The following TMEM106B variants were observed in gnomAD, a reference collection of about 807,000 sequenced individuals.
TMEM106B encodes transmembrane protein 106B.
In TMEM106B, 15 loss-of-function variants were observed where a neutral mutation model predicts 31.1. The observed-to-expected ratio is 0.48, with a 90% CI of 0.32 to 0.74. The LOEUF (loss-of-function observed/expected upper bound fraction) is 0.74, where lower values mean the gene tolerates loss of function less well. Ranked by LOEUF, TMEM106B falls within the 30% of genes least tolerant of loss-of-function variation. The pLI, the probability that TMEM106B is intolerant of heterozygous loss-of-function variation, is 0.03. For synonymous variants in TMEM106B, 126 were observed against 112.5 expected, an observed-to-expected ratio of 1.12 and a Z score of -0.76; for missense variants, 283 against 327.3, an observed-to-expected ratio of 0.86 and a Z score of 1.04.
intron 1 of TMEM106B, 77 bp downstream of exon 1, chr7:12,211,502 G>C (rs1399662331): frequency 6.6e-6 from 1 of 152,584 alleles, no homozygotes; most frequent in African/African-American, 2.4e-5. Flanking sequence ...GCTTGAGCCG[G>C]GCCTGACAAG....
chr7:12,216,696 G>A (rs953983070), intron 2 of TMEM106B, among the ~76,000 whole-genome samples: 3 of 152,120 alleles, frequency 2.0e-5, no homozygotes, highest in African/African-American at 7.2e-5. Context: ...AGAAAGAAAA[G>A]TTAGAATGAG....
chr7:12,215,598 A>AAT, intron 2 of TMEM106B: 1 of 344,098 alleles, frequency 2.9e-6, no homozygotes, highest in Non-Finnish European at 6.1e-6. Context: ...TTTTTTTAAT[A>AAT]ATAAGGATGG....
rs1457975887 is a variant in TMEM106B at position 12,236,212 on chromosome 7, A to G, written c.*4237A>G. 1.3e-5 allele frequency: 2 copies of G among 151,932 alleles called. No homozygotes were observed. The highest frequency in any genetic ancestry group is 4.8e-5 in the African/African-American group (2 of 41,430). 9.4% of individuals were successfully genotyped at this position (151,932 alleles called of 1,614,324 possible). On this transcript the variant is annotated 3_prime_UTR_variant, in exon 8 of 8. Transcript: ENST00000396668. ...CTAACATTTGTGTATTTTTGTGCTT[A>G]GTCGGAATACAAATTTCACAGTGGA...
At chr7:12,215,075 C>T in intron 2 of TMEM106B, 48 bp downstream of exon 2, 1 of 1,526,524 alleles carries the variant, frequency 6.6e-7, no homozygotes, top group Non-Finnish European at 8.9e-7. Flanking sequence ...TAGGTATTTG[C>T]TCAAGTATTA....
intron 1 of TMEM106B, 85 bp from the exon 2 acceptor site, chr7:12,214,723 TA>T: frequency 8.8e-7 from 1 of 1,130,428 alleles, no homozygotes; most frequent in Non-Finnish European, 1.2e-6. Flanking sequence ...TTGACTGTTC[TA>T]AATTAATTAG....
Position 12,235,161 on chromosome 7 carries a change from G to GCTTATAAAAA in TMEM106B, c.*3186_*3187insCTTATAAAAA, listed in dbSNP as rs1782106542. On this transcript the variant is annotated 3_prime_UTR_variant, in exon 8 of 8. Coordinates refer to ENST00000396668, the MANE Select transcript of TMEM106B (RefSeq NM_001134232.2). ...AGAATGAACACTTATAAAATGCTTT[G>GCTTATAAAAA]GAACATAATCTTTAGCTTAATTTTC... The GCTTATAAAAA allele has an allele frequency of 2.0e-5, 3 of 152,068 alleles. No homozygotes were observed. The highest frequency in any genetic ancestry group is 7.3e-5 in the African/African-American group (3 of 41,364). The allele number at this position is 152,068 out of a possible 1,614,324, so 9.4% of individuals were successfully genotyped here.
chr7:12,212,257 G>A (rs1195006308), intron 1 of TMEM106B, among the ~76,000 whole-genome samples: 3 of 152,158 alleles, frequency 2.0e-5, no homozygotes, highest in Non-Finnish European at 4.4e-5. Context: ...CTTACAGCCT[G>A]GCTGTGTTGA....
chr7:12,231,219 G>A, intron 7 of TMEM106B, 104 bp downstream of exon 7: 1 of 843,418 alleles, frequency 1.2e-6, no homozygotes, highest in Non-Finnish European at 1.9e-6. Context: ...CACCTCAGTT[G>A]GGTTTTAAGC....
chr7:12,235,361 T>C lies in TMEM106B; in HGVS notation c.*3386T>C, dbSNP rs559189547. The C allele has an allele frequency of 1.5e-3, 232 of 152,458 alleles. 3 individuals carry two copies. Among genetic ancestry groups the C allele is most frequent in the Non-Finnish European group, 2.5e-4 (17 of 67,812 alleles). 9.4% of individuals were successfully genotyped at this position (152,458 alleles called of 1,614,324 possible). A position where few individuals can be genotyped will look rare whatever the true frequency, so the allele number is the denominator to read the frequency against. Reference sequence around the variant, plus strand: ...AATTACTGAATAACCATCTTAAGTATGGAACATTTAAATGGCTATATTTTA... The same window carrying C: ...AATTACTGAATAACCATCTTAAGTACGGAACATTTAAATGGCTATATTTTA... On this transcript the variant is annotated 3_prime_UTR_variant, in exon 8 of 8. Transcript: ENST00000396668.
rs915478470 is a variant in TMEM106B at position 12,241,754 on chromosome 7, T to C, written c.*9779T>C. 20 of 152,226 alleles carry C rather than the reference T, an allele frequency of 1.3e-4. 1 individual carries two copies. 9.4% of individuals were successfully genotyped at this position (152,226 alleles called of 1,614,324 possible). A position where few individuals can be genotyped will look rare whatever the true frequency, so the allele number is the denominator to read the frequency against. On this transcript the variant is annotated 3_prime_UTR_variant, in exon 8 of 8. Coordinates refer to ENST00000396668, the MANE Select transcript of TMEM106B (RefSeq NM_001134232.2). The stretch of plus-strand genomic sequence containing the variant: ...TACAGTAAAATGATTTATAATCTTT[T>C]GGGTATACACCCAGTAATGGGATTG...
In TMEM106B at chr7:12,236,946, C is replaced by G. The variant is rs1782149550; in HGVS notation, c.*4971C>G. ...TCAGATATTTGAATGATGGTATTAC[C>G]TAGATTCTAATCCTTGATTCTAGTT... On this transcript the variant is annotated 3_prime_UTR_variant, in exon 8 of 8. Transcript: ENST00000396668. 6.6e-6 allele frequency: 1 copy of G among 151,836 alleles called. No individual in the cohort carries two copies. The highest frequency in any genetic ancestry group is 2.4e-5 in the African/African-American group (1 of 41,366). 9.4% of individuals were successfully genotyped at this position (151,836 alleles called of 1,614,324 possible).
Position 12,239,901 on chromosome 7 carries a change from C to T in TMEM106B, c.*7926C>T, listed in dbSNP as rs551132874. 1 of 152,076 alleles carries T rather than the reference C, an allele frequency of 6.6e-6. No individual in the cohort carries two copies. The highest frequency in any genetic ancestry group is 1.9e-4 in the East Asian group (1 of 5,166). 9.4% of individuals were successfully genotyped at this position (152,076 alleles called of 1,614,324 possible). ...AAAAATTACCAAAATGCGACAGAGA[C>T]ATGAAATGAGAACATGCTGTTGAAA... On this transcript the variant is annotated 3_prime_UTR_variant, in exon 8 of 8. Coordinates refer to ENST00000396668, the MANE Select transcript of TMEM106B (RefSeq NM_001134232.2).
chr7:12,232,039 A>G lies in TMEM106B; in HGVS notation c.*64A>G. ...GATATTTCCTATACTCTCAATGAAG[A>G]GGTATTTCCTAATAGGAGACCTTAA... On this transcript the variant is annotated 3_prime_UTR_variant, in exon 8 of 8. Coordinates refer to ENST00000396668, the MANE Select transcript of TMEM106B (RefSeq NM_001134232.2). The G allele has an allele frequency of 6.7e-7, 1 of 1,500,740 alleles. No individual in the cohort carries two copies. 93.0% of individuals were successfully genotyped at this position (1,500,740 alleles called of 1,614,324 possible). A position where few individuals can be genotyped will look rare whatever the true frequency, so the allele number is the denominator to read the frequency against.
In TMEM106B at chr7:12,240,462, A is replaced by T. The variant is rs944121919; in HGVS notation, c.*8487A>T. ...CTTTTGTTTTCATCAACTTTTTTCA[A>T]ACAATTTTTGTCAGCTTAGAGGTTG... is the stretch of plus-strand genomic sequence containing the variant. On this transcript the variant is annotated 3_prime_UTR_variant, in exon 8 of 8. Transcript: ENST00000396668. 1 of 152,140 alleles carries T rather than the reference A, an allele frequency of 6.6e-6. No homozygotes were observed. Among genetic ancestry groups the T allele is most frequent in the Non-Finnish European group, 1.5e-5 (1 of 68,036 alleles). 9.4% of individuals were successfully genotyped at this position (152,140 alleles called of 1,614,324 possible).
Position 12,221,189 on chromosome 7 carries a change from A to G in TMEM106B, c.281+2668A>G, listed in dbSNP as rs1249337719. Among the ~76,000 whole-genome samples the G allele has an allele frequency of 3.3e-5, 5 of 152,246 alleles. No homozygotes were observed. The East Asian group carries it at 9.7e-4, about 29-fold the overall frequency. ...ACTGCCAAAAATTGAGACAAAAGGA[A>G]ACATTATTCTAACTGTATATGAAGT... On this transcript the variant is annotated intron_variant, in intron 3 of 7. Coordinates refer to ENST00000396668, the MANE Select transcript of TMEM106B (RefSeq NM_001134232.2).
chr7:12,234,294 C>CT lies in TMEM106B; in HGVS notation c.*2325dup, dbSNP rs1390026996. 6.6e-6 allele frequency: 1 copy of CT among 151,756 alleles called. No homozygotes were observed. Among genetic ancestry groups the CT allele is most frequent in the African/African-American group, 2.4e-5 (1 of 41,402 alleles). The allele number at this position is 151,756 out of a possible 1,614,324, so 9.4% of individuals were successfully genotyped here. A position where few individuals can be genotyped will look rare whatever the true frequency, so the allele number is the denominator to read the frequency against. On this transcript the variant is annotated 3_prime_UTR_variant, in exon 8 of 8. Coordinates refer to ENST00000396668, the MANE Select transcript of TMEM106B (RefSeq NM_001134232.2). ...TGCTTTTAGTCACTTAATTTTGAAT[C>CT]TTTTTTCTTCATCTTTTGAATTAAT...
rs540351329 is a variant in TMEM106B at position 12,237,397 on chromosome 7, T to G, written c.*5422T>G. The G allele has an allele frequency of 6.6e-6, 1 of 152,262 alleles. No individual in the cohort carries two copies. Among genetic ancestry groups the G allele is most frequent in the Admixed American group, 6.5e-5 (1 of 15,276 alleles). 9.4% of individuals were successfully genotyped at this position (152,262 alleles called of 1,614,324 possible). A position where few individuals can be genotyped will look rare whatever the true frequency, so the allele number is the denominator to read the frequency against. ...CTTTAGCATTATCTTTGATTTCTTT[T>G]TTTCATTCACTTAACTTCCAATCAG... On this transcript the variant is annotated 3_prime_UTR_variant, in exon 8 of 8. Coordinates refer to ENST00000396668, the MANE Select transcript of TMEM106B (RefSeq NM_001134232.2).
Position 12,231,868 on chromosome 7 carries a change from T to G in TMEM106B, c.718T>G (p.Ser240Ala). 1 of 1,608,840 alleles carries G rather than the reference T, an allele frequency of 6.2e-7. No homozygotes were observed. The highest frequency in any genetic ancestry group is 8.5e-7 in the Non-Finnish European group (1 of 1,176,344). Residue 240 changes from serine to alanine, a missense_variant, in exon 8 of 8, where the codon TCT (serine) becomes GCT (alanine). This residue lies in a region of TMEM106B where 201 missense variants were observed against 211.5 expected (regional missense o/e 0.95). Coordinates refer to ENST00000396668, the MANE Select transcript of TMEM106B (RefSeq NM_001134232.2). ...VTVTTTYFGH[S>A]EQISQERYQY... ...TGTGACAACAACATACTTTGGCCAC[T>G]CTGAACAGATATCCCAGGAGAGGTA...
At position 12,230,408 on chromosome 7, in the gene TMEM106B, C is replaced by A; in HGVS notation, c.602C>A (p.Thr201Asn). 1 of 1,602,984 alleles carries A rather than the reference C, an allele frequency of 6.2e-7. No homozygotes were observed. Among genetic ancestry groups the A allele is most frequent in the East Asian group, 2.2e-5 (1 of 44,690 alleles). ...TTTCAGATTGATTACACAGTACCTA[C>A]CGTTATAGCAGAGGAAATGAGTTAT... is the stretch of plus-strand genomic sequence containing the variant. ...DMKQIDYTVPTVIAEEMSYMY... is the reference protein window; with the variant it reads ...DMKQIDYTVPNVIAEEMSYMY... Residue 201 changes from threonine to asparagine, a missense_variant, in exon 6 of 8, where the codon ACC (threonine) becomes AAC (asparagine). By Grantham distance (65) the Thr-to-Asn change is moderately conservative (BLOSUM62 0). Around this residue, in one of 3 missense-constraint regions of TMEM106B, gnomAD observed 201 missense variants for 211.5 expected, o/e 0.95. Coordinates refer to ENST00000396668, the MANE Select transcript of TMEM106B (RefSeq NM_001134232.2).
Sources: allele counts gnomAD v4.1 joint callset (sites outside exome capture counted in the v4.1 genomes callset), GRCh38; gene constraint gnomAD v4.1.1; regional missense constraint gnomAD v4.1.1; transcripts MANE v1.5; gene names NCBI Gene and HGNC (gene_info 2026-07-23, HGNC 2026-07-21).